The following CLMN variants were observed in gnomAD, a reference collection of about 807,000 sequenced individuals.
The protein encoded by CLMN is calmin (calponin-like, transmembrane).
CLMN carries 57 observed loss-of-function variants against 92.7 expected under a neutral mutation model. That is an observed-to-expected ratio of 0.61 (90% CI 0.50 to 0.77). The LOEUF (loss-of-function observed/expected upper bound fraction) is 0.77. Among genes scored for constraint, CLMN ranks in the 30% least tolerant of loss-of-function variants. The pLI, the probability that CLMN is intolerant of heterozygous loss-of-function variation, is 0.00. For synonymous variants in CLMN, 466 were observed against 470.6 expected, an observed-to-expected ratio of 0.99 and a Z score of 0.13; for missense variants, 1,158 against 1,237.5, an observed-to-expected ratio of 0.94 and a Z score of 0.96.
chr14:95,245,220 A>AGT (rs1898462592), intron 1 of CLMN, among the ~76,000 whole-genome samples: 1 of 30,322 alleles, frequency 3.3e-5, no homozygotes, highest in Non-Finnish European at 5.0e-5. Context: ...ATATATATAT[A>AGT]TATATTATAT....
chr14:95,304,359 A>G (rs77668921), intron 1 of CLMN, among the ~76,000 whole-genome samples: 2 of 150,198 alleles, frequency 1.3e-5, no homozygotes, highest in Non-Finnish European at 3.0e-5. Flanking sequence ...AAAAAAAAAA[A>G]GGAATCTGCA....
chr14:95,245,779 G>T (rs1399613536), intron 1 of CLMN, among the ~76,000 whole-genome samples: 1 of 150,602 alleles, frequency 6.6e-6, no homozygotes. Flanking sequence ...TGGATAGGTG[G>T]GTGGGTGGTT....
chr14:95,195,171 C>T (rs777760976), intron 10 of CLMN, among the ~76,000 whole-genome samples: 10 of 152,236 alleles, frequency 6.6e-5, no homozygotes, highest in Non-Finnish European at 1.2e-4. Context: ...CTAGCAGACT[C>T]CATTGCATAG....
intron 1 of CLMN, among the ~76,000 whole-genome samples, chr14:95,281,762 T>C (rs775377453): frequency 1.9e-4 from 29 of 152,356 alleles, no homozygotes; most frequent in Admixed American, 1.2e-3. Flanking sequence ...TATATTGCTG[T>C]TGTACTCCTC....
At chr14:95,208,584 T>C (rs188037266) in intron 8 of CLMN, among the ~76,000 whole-genome samples, 6 of 152,316 alleles carry the variant, frequency 3.9e-5, no homozygotes, top group Non-Finnish European at 8.8e-5. Context: ...TAAGAAAGCG[T>C]CTTTCATAAT....
At chr14:95,211,594 G>A (rs1213926871) in intron 6 of CLMN, among the ~76,000 whole-genome samples, 1 of 149,768 alleles carries the variant, frequency 6.7e-6, no homozygotes, top group East Asian at 2.0e-4. Context: ...CTAATTTCCT[G>A]TAGAATCTAT....
Position 95,215,632 on chromosome 14 carries a change from T to G in CLMN, c.417+9A>C. The stretch of plus-strand genomic sequence containing the variant: ...ATGATTGTGTGTTTTGGAAAAGAAA[T>G]GATCTTACCTGGAAGAAGAGGATTA... On this transcript the variant is annotated intron_variant, in intron 5 of 12. Transcript: ENST00000298912. The G allele has an allele frequency of 6.2e-6, 10 of 1,610,640 alleles. No homozygotes were observed. Among genetic ancestry groups the G allele is most frequent in the Non-Finnish European group, 8.5e-6 (10 of 1,176,762 alleles).
At chr14:95,197,360 G>A (rs1323999122) in intron 9 of CLMN, among the ~76,000 whole-genome samples, 2 of 149,274 alleles carry the variant, frequency 1.3e-5, no homozygotes, top group Non-Finnish European at 3.0e-5. Flanking sequence ...GAAAAAAGAA[G>A]GAGAGAAGGA....
chr14:95,196,338 G>A (rs569410988), intron 10 of CLMN, among the ~76,000 whole-genome samples, 160 bp downstream of exon 10: 2 of 152,148 alleles, frequency 1.3e-5, no homozygotes, highest in Admixed American at 6.5e-5. Context: ...AGGGTGGGTC[G>A]GGGAACCCAG....
At chr14:95,239,327 G>A (rs1898166692) in intron 1 of CLMN, among the ~76,000 whole-genome samples, 1 of 152,156 alleles carries the variant, frequency 6.6e-6, no homozygotes, top group Non-Finnish European at 1.5e-5. Flanking sequence ...ATGAACGCAG[G>A]GAAGGAAGGA....
chr14:95,290,524 G>T (rs1209970802), intron 1 of CLMN, among the ~76,000 whole-genome samples: 2 of 152,188 alleles, frequency 1.3e-5, no homozygotes, highest in Non-Finnish European at 2.9e-5. Context: ...AGACGCTGCT[G>T]GCTTTGAAGA....
intron 7 of CLMN, among the ~76,000 whole-genome samples, chr14:95,210,035 C>A (rs1897151013): frequency 6.6e-6 from 1 of 151,616 alleles, no homozygotes; most frequent in South Asian, 2.1e-4. Context: ...CAATGTCTAC[C>A]AGTAGTGGAA....
Position 95,215,765 on chromosome 14 carries a change from A to T in CLMN, c.325-32T>A, listed in dbSNP as rs773112391. ...GGAAGCAATTTATGAACTTAAAGCG[A>T]GGTGTCCAGGGAGGATAACATATGT... On this transcript the variant is annotated intron_variant, in intron 4 of 12. Transcript: ENST00000298912. 6.0e-6 allele frequency: 9 copies of T among 1,509,214 alleles called. No individual in the cohort carries two copies. In the African/African-American group the frequency reaches 9.6e-5, roughly 16 times the overall value. The allele number at this position is 1,509,214 out of a possible 1,614,324, so 93.5% of individuals were successfully genotyped here. A position where few individuals can be genotyped will look rare whatever the true frequency, so the allele number is the denominator to read the frequency against.
intron 1 of CLMN, among the ~76,000 whole-genome samples, chr14:95,245,194 A>ATATAAT (rs1491250953): frequency 1.1e-4 from 4 of 35,494 alleles, no homozygotes; most frequent in East Asian, 1.3e-3. Context: ...ATATATATAT[A>ATATAAT]ATATATATAT....
At position 95,190,359 on chromosome 14, in the gene CLMN, T is replaced by A. The variant is rs1221245019; in HGVS notation, c.*1205A>T. The A allele has an allele frequency of 6.6e-6, 1 of 152,312 alleles. No individual in the cohort carries two copies. The highest frequency in any genetic ancestry group is 2.4e-5 in the African/African-American group (1 of 41,468). 9.4% of individuals were successfully genotyped at this position (152,312 alleles called of 1,614,324 possible). On this transcript the variant is annotated 3_prime_UTR_variant, in exon 13 of 13. Coordinates refer to ENST00000298912, the MANE Select transcript of CLMN (RefSeq NM_024734.4). ...GATCTTGGTCAAGCTGCTCTGTCTC[T>A]CTGGGTCCAGCTAGACAAGATGCTC...
chr14:95,263,571 C>T (rs1899345903), intron 1 of CLMN, among the ~76,000 whole-genome samples: 1 of 152,194 alleles, frequency 6.6e-6, no homozygotes, highest in African/African-American at 2.4e-5. Context: ...CATCTGCCCA[C>T]TTCACCTCAA....
At chr14:95,289,253 G>A (rs1240888907) in intron 1 of CLMN, among the ~76,000 whole-genome samples, 1 of 152,130 alleles carries the variant, frequency 6.6e-6, no homozygotes, top group Non-Finnish European at 1.5e-5. Context: ...CACTTTGAGA[G>A]GCCAATACAG....
intron 1 of CLMN, among the ~76,000 whole-genome samples, chr14:95,237,120 T>C (rs1213500374): frequency 6.6e-6 from 1 of 152,224 alleles, no homozygotes; most frequent in Non-Finnish European, 1.5e-5. Flanking sequence ...AAAATGGAGA[T>C]AATAACTCCC....
chr14:95,249,266 T>C (rs1458258737), intron 1 of CLMN, among the ~76,000 whole-genome samples: 2 of 152,356 alleles, frequency 1.3e-5, no homozygotes, highest in Admixed American at 6.5e-5. Flanking sequence ...CTGCTATTTA[T>C]CTTGCTTCCT....
Sources: gnomAD v4.1 joint callset for allele counts (sites outside exome capture counted in the v4.1 genomes callset) on GRCh38, gnomAD v4.1.1 for gene constraint, MANE v1.5 for transcripts, NCBI Gene and HGNC (gene_info 2026-07-23, HGNC 2026-07-21) for gene names.